HS6ST2: variants seen among roughly 807,000 people sequenced by gnomAD.
HS6ST2 encodes the protein heparan-sulfate 6-O-sulfotransferase 2.
In HS6ST2, 17 loss-of-function variants were observed where a neutral mutation model predicts 33.0. The observed-to-expected ratio is 0.52, with a 90% confidence interval of 0.35 to 0.77. The LOEUF (loss-of-function observed/expected upper bound fraction) is 0.77, where lower values mean the gene tolerates loss of function less well. HS6ST2 is among the 30% of genes least tolerant of loss of function. The pLI, the probability that HS6ST2 is intolerant of heterozygous loss-of-function variation, is 0.01. For synonymous variants in HS6ST2, 248 were observed against 237.1 expected (o/e 1.05, Z -0.42); for missense variants, 519 against 551.7 (o/e 0.94, Z 0.59).
intron 4 of HS6ST2, among the ~76,000 whole-genome samples, chrX:132,665,783 A>T (rs2063805359): frequency 9.1e-6 from 1 of 109,480 alleles, no homozygotes; most frequent in Non-Finnish European, 1.9e-5. Flanking sequence ...AATTTGGCTC[A>T]CTGTTGGCAT....
At chrX:132,726,717 G>A (rs957072934) in intron 2 of HS6ST2, among the ~76,000 whole-genome samples, 11 of 111,498 alleles carry the variant, frequency 9.9e-5, no homozygotes, top group Non-Finnish European at 2.1e-4. Context: ...CATCTCAGTG[G>A]ATTTTCCTAT....
At chrX:132,824,899 T>C (rs768691895) in intron 2 of HS6ST2, among the ~76,000 whole-genome samples, 2 of 112,572 alleles carry the variant, frequency 1.8e-5, no homozygotes, top group East Asian at 5.6e-4. Context: ...ACTCATTTTA[T>C]AGCAATCATT....
At chrX:132,864,256 C>A (rs753592092) in intron 2 of HS6ST2, among the ~76,000 whole-genome samples, 76 of 109,270 alleles carry the variant, frequency 7.0e-4, no homozygotes, top group Non-Finnish European at 1.0e-3. Flanking sequence ...ATGACATGGA[C>A]GAATTGACAG....
intron 2 of HS6ST2, among the ~76,000 whole-genome samples, chrX:132,922,293 C>T (rs1037728462): frequency 9.0e-6 from 1 of 111,598 alleles, no homozygotes; most frequent in African/African-American, 3.3e-5. Flanking sequence ...CCTGTAGTCC[C>T]AGCTACTCCA....
chrX:132,957,520 C>A (rs1033160408), intron 1 of HS6ST2, among the ~76,000 whole-genome samples, 194 bp from the exon 2 acceptor site: 5 of 109,832 alleles, frequency 4.6e-5, no homozygotes, highest in Non-Finnish European at 9.5e-5. Flanking sequence ...AGGCTCAGCG[C>A]TGTGGCTTCT....
chrX:132,943,594 A>T (rs996175091), intron 2 of HS6ST2, among the ~76,000 whole-genome samples: 4 of 111,471 alleles, frequency 3.6e-5, no homozygotes, highest in Non-Finnish European at 7.5e-5. Flanking sequence ...ATGAACATTG[A>T]TGCAAAAATC....
chrX:132,947,237 G>A lies in HS6ST2; in HGVS notation c.947+9571C>T, dbSNP rs140564683. Reference sequence around the variant, plus strand: ...TATATGTGTGTGTGTGTGCGTGTATGTGTGTGTATGTGTGTATTTTAGATG... The same window carrying A: ...TATATGTGTGTGTGTGTGCGTGTATATGTGTGTATGTGTGTATTTTAGATG... On this transcript the variant is annotated intron_variant, in intron 2 of 4. Coordinates refer to ENST00000370833, the MANE Select transcript of HS6ST2 (RefSeq NM_001394073.1). Among the ~76,000 whole-genome samples, 432 of 109,989 alleles carry A rather than the reference G, an allele frequency of 3.9e-3. 2 individuals are homozygous for A. The highest frequency in any genetic ancestry group is 0.012 in the African/African-American group (364 of 30,288).
rs757740551 is a variant in HS6ST2 at position 132,716,680 on chromosome X, C to T, written c.948-8186G>A. 2.1e-4 allele frequency among the ~76,000 whole-genome samples: 23 copies of T among 112,129 alleles called. No individual in the cohort carries two copies. In the East Asian group the frequency reaches 4.8e-3, roughly 23 times the overall value. The stretch of plus-strand genomic sequence containing the variant: ...TTTTTGACTTAAAGGAAAGAAAGAA[C>T]GAATAAGGAATCTCTTAGAAATTTT... On this transcript the variant is annotated intron_variant, in intron 2 of 4. Transcript: ENST00000370833.
chrX:132,882,689 T>C (rs1447990127), intron 2 of HS6ST2, among the ~76,000 whole-genome samples: 2 of 110,072 alleles, frequency 1.8e-5, no homozygotes, highest in Non-Finnish European at 3.8e-5. Context: ...AGAGAGGGCA[T>C]CCCTGTCTTG....
chrX:132,661,587 C>T (rs1191802296), intron 4 of HS6ST2, among the ~76,000 whole-genome samples: 1 of 111,913 alleles, frequency 8.9e-6, no homozygotes, highest in Admixed American at 9.5e-5. Context: ...CATGGTAACT[C>T]AATATTGTTA....
intron 2 of HS6ST2, among the ~76,000 whole-genome samples, chrX:132,745,840 T>C (rs1041738560): frequency 1.8e-5 from 2 of 112,147 alleles, no homozygotes; most frequent in South Asian, 3.7e-4. Context: ...TCTGACGCAA[T>C]TGGTATGAGT....
At chrX:132,897,161 A>T (rs1602836706) in intron 2 of HS6ST2, among the ~76,000 whole-genome samples, 1 of 110,642 alleles carries the variant, frequency 9.0e-6, no homozygotes, top group African/African-American at 3.3e-5. Flanking sequence ...GAATTCTATC[A>T]GAAGGTGGAA....
intron 3 of HS6ST2, 102 bp downstream of exon 3, chrX:132,708,360 T>C: frequency 3.7e-6 from 1 of 273,849 alleles, no homozygotes; most frequent in Non-Finnish European, 5.7e-6. Context: ...AGCCAAAAAC[T>C]TAACTATTTG....
intron 2 of HS6ST2, among the ~76,000 whole-genome samples, chrX:132,914,736 G>C (rs949199253): frequency 6.2e-5 from 7 of 112,034 alleles, no homozygotes; most frequent in African/African-American, 1.9e-4. Context: ...GATGCGACTA[G>C]ATCATTGCTT....
chrX:132,901,100 T>C (rs1293572406), intron 2 of HS6ST2, among the ~76,000 whole-genome samples: 3 of 111,749 alleles, frequency 2.7e-5, no homozygotes, highest in Admixed American at 9.5e-5. Flanking sequence ...AACTGAATCC[T>C]TCCAACAACC....
chrX:132,733,928 A>T (rs2064482263), intron 2 of HS6ST2, among the ~76,000 whole-genome samples: 1 of 107,440 alleles, frequency 9.3e-6, no homozygotes, highest in Admixed American at 1.0e-4. Context: ...TGGAGACTTG[A>T]ACTTAGTCAT....
chrX:132,706,083 G>T (rs1405680615), intron 3 of HS6ST2, among the ~76,000 whole-genome samples: 1 of 110,023 alleles, frequency 9.1e-6, no homozygotes, highest in African/African-American at 3.3e-5. Context: ...AAAAAAAAAA[G>T]TGTGGCATCA....
At chrX:132,880,521 T>A (rs1171058536) in intron 2 of HS6ST2, among the ~76,000 whole-genome samples, 2 of 1,540 alleles carry the variant, frequency 1.3e-3, no homozygotes, top group Non-Finnish European at 2.9e-3. Flanking sequence ...TGAGACTCTG[T>A]GTAAAAAAAA....
intron 2 of HS6ST2, among the ~76,000 whole-genome samples, chrX:132,790,225 C>A (rs1352371196): frequency 8.9e-6 from 1 of 112,060 alleles, no homozygotes; most frequent in Non-Finnish European, 1.9e-5. Context: ...AACGACCACC[C>A]TGATTAGTCA....
Sources: allele counts gnomAD v4.1 joint callset (sites outside exome capture counted in the v4.1 genomes callset), GRCh38; gene constraint gnomAD v4.1.1; transcripts MANE v1.5; gene names NCBI Gene and HGNC (gene_info 2026-07-23, HGNC 2026-07-21).